CNKSR2: variants seen among roughly 807,000 people sequenced by gnomAD.
The protein encoded by CNKSR2 is CNK homolog protein 2.
CNKSR2 carries 14 observed loss-of-function variants against 84.4 expected under a neutral mutation model. The observed-to-expected ratio is 0.17, with a 90% confidence interval of 0.11 to 0.26. CNKSR2 has a LOEUF of 0.26. Ranked by LOEUF, CNKSR2 falls within the 10% of genes least tolerant of loss-of-function variation. CNKSR2 has a pLI of 1.00. For synonymous variants in CNKSR2, 275 were observed against 277.9 expected, an observed-to-expected ratio of 0.99 and a Z score of 0.10; for missense variants, 485 against 771.2, an observed-to-expected ratio of 0.63 and a Z score of 4.40.
chrX:21,637,501 C>CATTCATAAA (rs2092677402), intron 20 of CNKSR2: 1 of 111,394 alleles, frequency 9.0e-6, no homozygotes, highest in African/African-American at 3.3e-5. Flanking sequence ...TTTTGCTTCA[C>CATTCATAAA]ATTCATAAAA....
At chrX:21,496,287 A>G (rs1285865193) in intron 6 of CNKSR2, among the ~76,000 whole-genome samples, 1 of 111,595 alleles carries the variant, frequency 9.0e-6, no homozygotes, top group Non-Finnish European at 1.9e-5. Flanking sequence ...GTCCTCTTCT[A>G]AGTTCTAAAA....
At chrX:21,588,848 AT>A (rs1450422901) in intron 13 of CNKSR2, among the ~76,000 whole-genome samples, 1 of 111,777 alleles carries the variant, frequency 8.9e-6, no homozygotes, top group African/African-American at 3.2e-5. Flanking sequence ...TTTCAAAATA[AT>A]GAGCTGTAAA....
intron 1 of CNKSR2, among the ~76,000 whole-genome samples, chrX:21,411,265 C>T (rs1425731025): frequency 9.0e-6 from 1 of 111,069 alleles, no homozygotes; most frequent in Non-Finnish European, 1.9e-5. Context: ...GAAATAAGTT[C>T]TACTTGTAGA....
chrX:21,465,736 C>T (rs1261526869), intron 4 of CNKSR2, among the ~76,000 whole-genome samples: 4 of 111,213 alleles, frequency 3.6e-5, no homozygotes, highest in African/African-American at 1.3e-4. Context: ...ATAACATATG[C>T]ACTGTTCTTA....
chrX:21,520,674 C>T (rs1014477342), intron 9 of CNKSR2, among the ~76,000 whole-genome samples: 5 of 107,118 alleles, frequency 4.7e-5, no homozygotes, highest in African/African-American at 1.7e-4. Flanking sequence ...ACTTTTAAAA[C>T]ATTTAAAAAC....
chrX:21,440,251 T>C (rs1432483930), intron 3 of CNKSR2, among the ~76,000 whole-genome samples: 1 of 111,499 alleles, frequency 9.0e-6, no homozygotes, highest in East Asian at 2.8e-4. Flanking sequence ...GCATTTAGAA[T>C]AGTAACTGGC....
At chrX:21,488,609 T>C (rs1330842117) in intron 5 of CNKSR2, among the ~76,000 whole-genome samples, 2 of 111,447 alleles carry the variant, frequency 1.8e-5, no homozygotes, top group Non-Finnish European at 3.8e-5. Context: ...ATTAGCGAAA[T>C]TTAGCATGAC....
At chrX:21,461,699 A>T (rs1035146918) in intron 4 of CNKSR2, among the ~76,000 whole-genome samples, 1 of 112,181 alleles carries the variant, frequency 8.9e-6, no homozygotes, top group African/African-American at 3.2e-5. Flanking sequence ...ATCCATTTTT[A>T]TTTGAATTTT....
At chrX:21,421,162 C>A (rs958654994) in intron 1 of CNKSR2, among the ~76,000 whole-genome samples, 2 of 110,604 alleles carry the variant, frequency 1.8e-5, no homozygotes, top group Non-Finnish European at 3.8e-5. Flanking sequence ...TCTGCTCTAT[C>A]AGGACAGCAG....
intron 5 of CNKSR2, among the ~76,000 whole-genome samples, chrX:21,474,174 A>G (rs1268391106): frequency 3.6e-5 from 4 of 111,318 alleles, no homozygotes; most frequent in Admixed American, 9.6e-5. Context: ...CCTTGTTTCT[A>G]TGATACTTGA....
At chrX:21,493,776 G>A (rs953648424) in intron 6 of CNKSR2, 1 of 110,784 alleles carries the variant, frequency 9.0e-6, no homozygotes, top group Non-Finnish European at 1.9e-5. Flanking sequence ...CTTTCTTTTG[G>A]TGCCTGACTT....
intron 1 of CNKSR2, among the ~76,000 whole-genome samples, chrX:21,396,452 G>A (rs961572131): frequency 9.1e-6 from 1 of 110,472 alleles, no homozygotes; most frequent in African/African-American, 3.3e-5. Context: ...AATGCATGGA[G>A]TACAAGTACA....
At chrX:21,442,684 T>G (rs58969749) in intron 4 of CNKSR2, among the ~76,000 whole-genome samples, 2,963 of 111,610 alleles carry the variant, frequency 0.027, 212 homozygotes, top group Admixed American at 0.21. Flanking sequence ...AATAATCACC[T>G]CTACCTCAAA....
At chrX:21,493,758 T>C (rs190767390) in intron 6 of CNKSR2, 8 of 111,311 alleles carry the variant, frequency 7.2e-5, no homozygotes, top group Admixed American at 6.7e-4. Context: ...AAGCAACTTA[T>C]TTCTTCTCTT....
intron 4 of CNKSR2, among the ~76,000 whole-genome samples, chrX:21,463,259 A>C (rs2091085273): frequency 1.8e-5 from 2 of 111,331 alleles, no homozygotes; most frequent in Admixed American, 1.9e-4. Context: ...TTTTTACATC[A>C]GTATTCATCA....
chrX:21,607,525 C>G (rs374071062), intron 19 of CNKSR2, among the ~76,000 whole-genome samples: 72 of 111,478 alleles, frequency 6.5e-4, no homozygotes, highest in African/African-American at 2.2e-3. Flanking sequence ...ATGGTCAGGC[C>G]GGGCATGGTA....
intron 14 of CNKSR2, 30 bp from the exon 15 acceptor site, chrX:21,590,992 C>G: frequency 2.6e-6 from 3 of 1,157,007 alleles, no homozygotes; most frequent in Non-Finnish European, 3.5e-6. Flanking sequence ...ATACCTTTGA[C>G]AAAATTGAAA....
At chrX:21,557,820 T>G (rs2092153053) in intron 11 of CNKSR2, among the ~76,000 whole-genome samples, 1 of 111,621 alleles carries the variant, frequency 9.0e-6, no homozygotes, top group Non-Finnish European at 1.9e-5. Flanking sequence ...TGTAAAGATA[T>G]GTCTTAAACT....
Position 21,414,548 on chromosome X carries a change from C to G in CNKSR2, c.65-11949C>G, listed in dbSNP as rs139104265. ...GTCTCTTCACTTTGTTGACTGTTTC[C>G]TTTGCTGTGCAGAAGCAAAGGACCC... On this transcript the variant is annotated intron_variant, in intron 1 of 21. Transcript: ENST00000379510. Among the ~76,000 whole-genome samples, 260 of 110,387 alleles carry G rather than the reference C, an allele frequency of 2.4e-3. 2 individuals are homozygous for G. The South Asian group carries it at 0.048, about 20-fold the overall frequency.
Sources: allele counts gnomAD v4.1 joint callset (sites outside exome capture counted in the v4.1 genomes callset), GRCh38; gene constraint gnomAD v4.1.1; transcripts MANE v1.5; gene names NCBI Gene and HGNC (gene_info 2026-07-23, HGNC 2026-07-21).